Variants in SLC5A10 observed in about 807,000 individuals in gnomAD.
SLC5A10 encodes solute carrier family 5 member 10, also known as sodium/mannose cotransporter SLC5A10.
A neutral mutation model predicts 68.9 loss-of-function variants in SLC5A10; 55 were observed. The ratio of observed to expected loss-of-function variants is 0.80; its 90% CI spans 0.64 to 1.00. SLC5A10 has a LOEUF of 1.00. Among genes scored for constraint, SLC5A10 ranks in the 50% least tolerant of loss-of-function variants. The pLI is 0.00. For synonymous variants in SLC5A10, 344 were observed against 344.8 expected, an observed-to-expected ratio of 1.00 and a Z score of 0.02; for missense variants, 732 against 819.3, an observed-to-expected ratio of 0.89 and a Z score of 1.30.
At position 18,982,798 on chromosome 17, in the gene SLC5A10, G is replaced by A. The variant is rs540883458; in HGVS notation, c.982+5809G>A. Among the ~76,000 whole-genome samples the A allele has an allele frequency of 3.9e-5, 6 of 152,322 alleles. No homozygotes were observed. In the East Asian group the frequency reaches 9.6e-4, roughly 24 times the overall value. On this transcript the variant is annotated intron_variant, in intron 9 of 14. Coordinates refer to ENST00000395645, the MANE Select transcript of SLC5A10 (RefSeq NM_001042450.4). ...CAGGAGCCCCTGGAGTGGGTCTAGG[G>A]TCTAGGCATTCCTGAGCTCCAGTCA...
At chr17:18,953,336 G>A (rs541129392) in intron 1 of SLC5A10, among the ~76,000 whole-genome samples, 1 of 152,162 alleles carries the variant, frequency 6.6e-6, no homozygotes, top group African/African-American at 2.4e-5. Context: ...GTTTTACCGT[G>A]TTGGCCAGGC....
rs775638842 is a variant in SLC5A10, at chr17:19,015,103, C to A, written c.1145C>A (p.Thr382Asn). The A allele has an allele frequency of 6.2e-7, 1 of 1,613,652 alleles. No individual in the cohort carries two copies. The highest frequency in any genetic ancestry group is 1.1e-5 in the South Asian group (1 of 91,066). Residue 382 changes from threonine to asparagine, a missense_variant, in exon 11 of 15, where the codon ACC (threonine) becomes AAC (asparagine). By Grantham distance (65) the Thr-to-Asn change is moderately conservative. Coordinates refer to ENST00000395645, the MANE Select transcript of SLC5A10 (RefSeq NM_001042450.4). The part of the protein sequence containing the change: ...VMLAALMSSL[T>N]SIFNSSSTLF... ...CTGGCGGCGCTCATGTCGTCGCTGACCTCCATCTTCAACAGCAGCAGCACC... is the reference window on the plus strand; with the variant it reads ...CTGGCGGCGCTCATGTCGTCGCTGAACTCCATCTTCAACAGCAGCAGCACC...
intron 5 of SLC5A10, among the ~76,000 whole-genome samples, chr17:18,962,960 A>G (rs2042640816): frequency 6.6e-6 from 1 of 152,180 alleles, no homozygotes; most frequent in Non-Finnish European, 1.5e-5. Flanking sequence ...GCTCACGCCT[A>G]TAATCCTAGC....
intron 9 of SLC5A10, among the ~76,000 whole-genome samples, chr17:18,994,108 A>C (rs1481871280): frequency 6.6e-6 from 1 of 152,234 alleles, no homozygotes; most frequent in Non-Finnish European, 1.5e-5. Context: ...AGACTGTCTT[A>C]AAGGTTGAGG....
chr17:19,014,869 A>G (rs545136127), intron 10 of SLC5A10, among the ~76,000 whole-genome samples, 180 bp from the exon 11 acceptor site: 48 of 152,168 alleles, frequency 3.2e-4, no homozygotes, highest in African/African-American at 1.0e-3. Context: ...TGGCCTCCCC[A>G]GTCTCCTCAT....
upstream of SLC5A10, chr17:18,950,771 A>C (rs559810974): frequency 3.6e-6 from 3 of 837,634 alleles, no homozygotes; most frequent in Admixed American, 1.2e-4. Flanking sequence ...GCTGGACTGC[A>C]ATGGCGCAGT....
At chr17:18,972,081 A>G (rs1401083351) in intron 8 of SLC5A10, among the ~76,000 whole-genome samples, 1 of 152,128 alleles carries the variant, frequency 6.6e-6, no homozygotes, top group Non-Finnish European at 1.5e-5. Context: ...GTTTCTGTTG[A>G]GTGCAGGGGG....
Position 19,017,450 on chromosome 17 carries a change from A to AG in SLC5A10, c.1242-1972dup, listed in dbSNP as rs1418585494. The AG allele has an allele frequency of 6.7e-7, 1 of 1,501,694 alleles. No homozygotes were observed. Among genetic ancestry groups the AG allele is most frequent in the Non-Finnish European group, 9.1e-7 (1 of 1,101,992 alleles). The allele number at this position is 1,501,694 out of a possible 1,614,324, so 93.0% of individuals were successfully genotyped here. A position where few individuals can be genotyped will look rare whatever the true frequency, so the allele number is the denominator to read the frequency against. On this transcript the variant is annotated intron_variant, in intron 11 of 14. Coordinates refer to ENST00000395645, the MANE Select transcript of SLC5A10 (RefSeq NM_001042450.4). The surrounding 1 kb of genome is among the most constrained non-coding windows in gnomAD (Gnocchi z 5.6). ...TCAGGGAGAGGCGAGGCTTACAGAG[A>AG]GAAGACCAACAGCCCAGAGGCCTGG...
Position 19,022,197 on chromosome 17 carries a change from C to T in SLC5A10, c.*1766C>T. ...GTGCCTTCAGAAGCCCTGCAACCCA[C>T]CCTCCCTCAGAGGCACCCAAGAGAA... On this transcript the variant is annotated 3_prime_UTR_variant, in exon 15 of 15. Coordinates refer to ENST00000395645, the MANE Select transcript of SLC5A10 (RefSeq NM_001042450.4). 9.3e-7 allele frequency: 1 copy of T among 1,076,960 alleles called. No individual in the cohort carries two copies. Among genetic ancestry groups the T allele is most frequent in the African/African-American group, 1.7e-5 (1 of 60,554 alleles). The allele number at this position is 1,076,960 out of a possible 1,614,324, so 66.7% of individuals were successfully genotyped here. A position where few individuals can be genotyped will look rare whatever the true frequency, so the allele number is the denominator to read the frequency against.
intron 3 of SLC5A10, 128 bp from the exon 4 acceptor site, chr17:18,959,476 A>G: frequency 9.2e-7 from 1 of 1,085,126 alleles, no homozygotes; most frequent in Non-Finnish European, 1.4e-6. Context: ...CCAGGATCTC[A>G]TGGCAAGTCA....
intron 5 of SLC5A10, 77 bp downstream of exon 5, chr17:18,960,729 T>C: frequency 7.5e-7 from 1 of 1,332,796 alleles, no homozygotes; most frequent in Non-Finnish European, 1.1e-6. Context: ...GGACCTGACA[T>C]CTTCTCATTC....
In SLC5A10 at chr17:19,020,179, C is replaced by T; in HGVS notation, c.1651C>T (p.Leu551=). The T allele has an allele frequency of 6.2e-7, 1 of 1,613,692 alleles. No homozygotes were observed. Among genetic ancestry groups the T allele is most frequent in the Admixed American group, 1.7e-5 (1 of 59,976 alleles). ...GATTGAGAACCTTACCTGGTGGACC[C>T]TGGCTCAGGATGTGCCCTTGGGAAC... ...VQIENLTWWT[L]AQDVPLGTKA... Residue 551 remains leucine (L), a synonymous_variant, in exon 14 of 15, where the codon CTG becomes TTG. Coordinates refer to ENST00000395645, the MANE Select transcript of SLC5A10 (RefSeq NM_001042450.4).
intron 9 of SLC5A10, among the ~76,000 whole-genome samples, chr17:18,982,879 C>T (rs896335350): frequency 6.6e-6 from 1 of 152,238 alleles, no homozygotes; most frequent in Non-Finnish European, 1.5e-5. Context: ...TCTTTCCACG[C>T]CTCAGTTTTC....
chr17:18,989,611 G>A (rs1400748004), intron 9 of SLC5A10, among the ~76,000 whole-genome samples: 1 of 152,244 alleles, frequency 6.6e-6, no homozygotes, highest in African/African-American at 2.4e-5. Flanking sequence ...GGAGAATGGA[G>A]CACACCTGAA....
chr17:18,983,973 A>G (rs2043200297), intron 9 of SLC5A10, among the ~76,000 whole-genome samples: 1 of 152,164 alleles, frequency 6.6e-6, no homozygotes, highest in Admixed American at 6.5e-5. Context: ...TGGCCACTCA[A>G]TGCTGGTAGT....
At chr17:18,962,352 T>G (rs2042628055) in intron 5 of SLC5A10, among the ~76,000 whole-genome samples, 1 of 152,000 alleles carries the variant, frequency 6.6e-6, no homozygotes, top group African/African-American at 2.4e-5. Flanking sequence ...AGAGGCAGGA[T>G]GTGTCTGGGG....
intron 5 of SLC5A10, among the ~76,000 whole-genome samples, chr17:18,963,450 C>T (rs539419832): frequency 3.3e-5 from 5 of 152,376 alleles, no homozygotes; most frequent in African/African-American, 9.6e-5. Flanking sequence ...AGCACCCACT[C>T]ACATCAAGGC....
At position 19,003,099 on chromosome 17, in the gene SLC5A10, T is replaced by C. The variant is rs1364969769; in HGVS notation, c.983-10311T>C. 6.6e-6 allele frequency among the ~76,000 whole-genome samples: 1 copy of C among 151,892 alleles called. No homozygotes were observed. The highest frequency in any genetic ancestry group is 6.6e-5 in the Admixed American group (1 of 15,242). On this transcript the variant is annotated intron_variant, in intron 9 of 14. Coordinates refer to ENST00000395645, the MANE Select transcript of SLC5A10 (RefSeq NM_001042450.4). The surrounding 1 kb of genome is among the most constrained non-coding windows in gnomAD (Gnocchi z 4.5). ...ATGGACTTGGACCATGCCTATTCCC[T>C]CACCCCACAACAAAAGCTCTCCCCA...
rs1046738767 is a variant in SLC5A10, at chr17:19,011,055, T to C, written c.983-2355T>C. Among the ~76,000 whole-genome samples the C allele has an allele frequency of 3.9e-5, 6 of 152,222 alleles. No homozygotes were observed. The East Asian group carries it at 1.2e-3, about 29-fold the overall frequency. ...ATCAGTGTTCCCAGAAAGTCTCTTC[T>C]GGGCCCGGCCCTGGACCAGGCGATA... is the stretch of plus-strand genomic sequence containing the variant. On this transcript the variant is annotated intron_variant, in intron 9 of 14. Transcript: ENST00000395645.
Sources: gnomAD v4.1 joint callset for allele counts (sites outside exome capture counted in the v4.1 genomes callset) on GRCh38, gnomAD v4.1.1 for gene constraint, Gnocchi (gnomAD v3.1) non-coding constraint, MANE v1.5 for transcripts, NCBI Gene and HGNC (gene_info 2026-07-23, HGNC 2026-07-21) for gene names.